The following OPHN1 variants were observed in gnomAD, a reference collection of about 807,000 sequenced individuals.
OPHN1 encodes oligophrenin 1, also known as oligophrenin-1.
In OPHN1, 11 loss-of-function variants were observed where a neutral mutation model predicts 60.7. The ratio of observed to expected loss-of-function variants is 0.18; its 90% CI spans 0.11 to 0.30. The LOEUF (loss-of-function observed/expected upper bound fraction) is 0.30. OPHN1 is among the 10% of genes least tolerant of loss of function. The probability of loss-of-function intolerance (pLI) is 1.00; values close to 1 mark genes in which losing one functional copy is unlikely to be tolerated. For missense variants in OPHN1, 449 were observed against 611.0 expected (o/e 0.73, Z 2.80); for synonymous variants, 226 against 222.6 (o/e 1.02, Z -0.14).
At chrX:68,187,918 T>C (rs780640344) in intron 15 of OPHN1, among the ~76,000 whole-genome samples, 20 of 112,000 alleles carry the variant, frequency 1.8e-4, no homozygotes, top group Non-Finnish European at 3.0e-4. Context: ...TGAGCCACCG[T>C]GCCCAGCCAA....
At chrX:68,368,513 T>A (rs770942807) in intron 2 of OPHN1, among the ~76,000 whole-genome samples, 45 of 110,331 alleles carry the variant, frequency 4.1e-4, no homozygotes, top group Admixed American at 3.8e-3. Flanking sequence ...TGCACTCCAG[T>A]CTGGGCAACA....
chrX:68,117,317 A>T (rs187793432), intron 16 of OPHN1, among the ~76,000 whole-genome samples: 338 of 111,848 alleles, frequency 3.0e-3, no homozygotes, highest in African/African-American at 0.01. Flanking sequence ...CCTCAGTTTA[A>T]ACCAAAATGG....
At chrX:68,353,098 G>A in intron 2 of OPHN1, among the ~76,000 whole-genome samples, 1 of 109,678 alleles carries the variant, frequency 9.1e-6, no homozygotes, top group Non-Finnish European at 1.9e-5. Flanking sequence ...GCTGCAGTGA[G>A]CCATGAACGC....
Position 68,201,707 on chromosome X carries a change from G to T in OPHN1, c.937C>A (p.Pro313Thr). The change falls in exon 11 of 25, where the codon CCC becomes ACC. Residue 313 changes from proline to threonine, a missense_variant. Around this residue, in one of 4 missense-constraint regions of OPHN1, gnomAD observed 166 missense variants for 278.4 expected, o/e 0.60. Transcript: ENST00000355520. ...MEQKPGAKQG[P>T]LDLTLKYCVR... ...CAGTACTTCAGTGTTAAGTCCAAGGGCCCCTGATATGAAACAAGAATTAAC... is the reference window on the plus strand; with the variant it reads ...CAGTACTTCAGTGTTAAGTCCAAGGTCCCCTGATATGAAACAAGAATTAAC... 8.3e-7 allele frequency: 1 copy of T among 1,199,806 alleles called. No homozygotes were observed. Among genetic ancestry groups the T allele is most frequent in the Non-Finnish European group, 1.1e-6 (1 of 885,209 alleles).
intron 2 of OPHN1, among the ~76,000 whole-genome samples, chrX:68,322,280 C>A (rs1414218360): frequency 6.3e-5 from 7 of 111,737 alleles, no homozygotes; most frequent in Admixed American, 1.9e-4. Flanking sequence ...CCCTCAGTTT[C>A]TTTTAAAACA....
intron 18 of OPHN1, among the ~76,000 whole-genome samples, chrX:68,108,255 T>C (rs1318482833): frequency 8.9e-6 from 1 of 111,933 alleles, no homozygotes; most frequent in Non-Finnish European, 1.9e-5. Flanking sequence ...ACTAACTTTG[T>C]ATTTTCCTTG....
At chrX:68,324,805 G>A (rs904493925) in intron 2 of OPHN1, among the ~76,000 whole-genome samples, 2 of 108,848 alleles carry the variant, frequency 1.8e-5, no homozygotes, top group Admixed American at 9.9e-5. Context: ...ACTTTGGGAG[G>A]CCAAGGTGGG....
intron 2 of OPHN1, among the ~76,000 whole-genome samples, chrX:68,399,617 G>A (rs1283650238): frequency 3.6e-5 from 4 of 111,010 alleles, no homozygotes; most frequent in Non-Finnish European, 5.7e-5. Flanking sequence ...GCAGTGAGCC[G>A]AGATCGTGCC....
chrX:68,426,552 T>TTTTA lies in OPHN1; in HGVS notation c.154+6314_154+6315insTAAA, dbSNP rs1227316565. ...ATATATTTTTTTTCTGACATCTGTTTTATATATATATATATATACATACAC... is the reference window on the plus strand; with the variant it reads ...ATATATTTTTTTTCTGACATCTGTTTTTTATATATATATATATATATACATACAC... On this transcript the variant is annotated intron_variant, in intron 2 of 24. Transcript: ENST00000355520. Among the ~76,000 whole-genome samples the TTTTA allele has an allele frequency of 1.9e-4, 3 of 16,184 alleles. No homozygotes were observed. The Admixed American group carries it at 2.1e-3, about 11-fold the overall frequency. The allele number at this position is 16,184 out of a possible 115,157, so 14.1% of individuals were successfully genotyped here. A position where few individuals can be genotyped will look rare whatever the true frequency, so the allele number is the denominator to read the frequency against.
intron 6 of OPHN1, among the ~76,000 whole-genome samples, chrX:68,225,891 GAGA>G (rs1323744386): frequency 1.8e-5 from 2 of 112,352 alleles, no homozygotes; most frequent in East Asian, 2.8e-4. Context: ...GATGAGTTGA[GAGA>G]AGAAGGCTTC....
chrX:68,061,370 A>G (rs1158672213), intron 21 of OPHN1, among the ~76,000 whole-genome samples: 2 of 111,104 alleles, frequency 1.8e-5, no homozygotes, highest in Non-Finnish European at 3.8e-5. Context: ...AGGAGGGCTG[A>G]GTTACTGTGT....
chrX:68,322,251 C>A (rs934822072), intron 2 of OPHN1, among the ~76,000 whole-genome samples: 1 of 111,723 alleles, frequency 9.0e-6, no homozygotes, highest in African/African-American at 3.3e-5. Flanking sequence ...GGATTACAGA[C>A]ATGGGTCACT....
chrX:68,215,447 G>C (rs750820442), intron 6 of OPHN1, among the ~76,000 whole-genome samples: 1 of 111,138 alleles, frequency 9.0e-6, no homozygotes, highest in African/African-American at 3.3e-5. Flanking sequence ...CAAAATAAAA[G>C]ACAGGTATCA....
chrX:68,393,915 A>ATTTTTTT (rs2078668662), intron 2 of OPHN1, among the ~76,000 whole-genome samples: 1 of 6,857 alleles, frequency 1.5e-4, no homozygotes, highest in Non-Finnish European at 1.1e-3. Flanking sequence ...TTTTTTTTTG[A>ATTTTTTT]GACGGAGTCT....
chrX:68,422,609 A>G (rs1348118231), intron 2 of OPHN1, among the ~76,000 whole-genome samples: 1 of 33,605 alleles, frequency 3.0e-5, no homozygotes, highest in African/African-American at 5.4e-5. Context: ...AAGAAAAGAA[A>G]AAGAGAGAGA....
At chrX:68,056,067 C>T (rs959287373) in intron 21 of OPHN1, among the ~76,000 whole-genome samples, 3 of 110,356 alleles carry the variant, frequency 2.7e-5, no homozygotes, top group African/African-American at 6.6e-5. Context: ...CAAACCTGCA[C>T]GTTGTACACA....
chrX:68,401,583 G>C (rs972743400), intron 2 of OPHN1, among the ~76,000 whole-genome samples: 1 of 112,320 alleles, frequency 8.9e-6, no homozygotes, highest in African/African-American at 3.2e-5. Flanking sequence ...ATCCAATGTA[G>C]TAGTGAAGAT....
intron 15 of OPHN1, among the ~76,000 whole-genome samples, chrX:68,150,073 C>T (rs374535700): frequency 1.7e-4 from 19 of 111,603 alleles, no homozygotes; most frequent in South Asian, 3.8e-4. Context: ...ACACACCACA[C>T]AGAATCATCT....
At chrX:68,123,765 T>C (rs938194747) in intron 15 of OPHN1, among the ~76,000 whole-genome samples, 1 of 109,893 alleles carries the variant, frequency 9.1e-6, no homozygotes, top group Admixed American at 9.7e-5. Flanking sequence ...AAGGAAGAAA[T>C]TAAAATCATA....
Sources: gnomAD v4.1 joint callset for allele counts (sites outside exome capture counted in the v4.1 genomes callset) on GRCh38, gnomAD v4.1.1 for gene constraint, gnomAD v4.1.1 regional missense constraint, MANE v1.5 for transcripts, NCBI Gene and HGNC (gene_info 2026-07-23, HGNC 2026-07-21) for gene names.